Variants in PCBP3 observed in about 807,000 individuals in gnomAD.
PCBP3 encodes the protein poly(rC)-binding protein 3.
In PCBP3, 25 loss-of-function variants were observed where a neutral mutation model predicts 52.7. That is an observed-to-expected ratio of 0.47 (90% CI 0.35 to 0.66). The LOEUF (loss-of-function observed/expected upper bound fraction) is 0.66, where lower values mean the gene tolerates loss of function less well. Ranked by LOEUF, PCBP3 falls within the 30% of genes least tolerant of loss-of-function variation. PCBP3 has a pLI of 0.01. For synonymous variants in PCBP3, 162 were observed against 183.0 expected (o/e 0.89, Z 0.93); for missense variants, 391 against 490.3 (o/e 0.80, Z 1.91).
intron 7 of PCBP3, among the ~76,000 whole-genome samples, chr21:45,900,060 C>A (rs1249405802): frequency 1.3e-5 from 2 of 152,232 alleles, no homozygotes; most frequent in Non-Finnish European, 2.9e-5. Context: ...TGGAAGCCTG[C>A]TGCCCCGGGA....
intron 5 of PCBP3, among the ~76,000 whole-genome samples, chr21:45,883,366 T>A (rs1221395038): frequency 6.6e-6 from 1 of 152,222 alleles, no homozygotes. Flanking sequence ...TGGATTCTGC[T>A]GATGCTGGAC....
chr21:45,834,971 C>A (rs1448325662), intron 4 of PCBP3, among the ~76,000 whole-genome samples: 1 of 152,242 alleles, frequency 6.6e-6, no homozygotes, highest in Non-Finnish European at 1.5e-5. Flanking sequence ...GCGGTGTCCA[C>A]CCGTGCTCGG....
At chr21:45,702,832 G>A (rs1266915810) in intron 2 of PCBP3, among the ~76,000 whole-genome samples, 1 of 152,170 alleles carries the variant, frequency 6.6e-6, no homozygotes, top group African/African-American at 2.4e-5. Flanking sequence ...CTTTCACCAC[G>A]GTATAACTTC....
intron 5 of PCBP3, chr21:45,871,203 C>T (rs2148629468): frequency 6.0e-6 from 1 of 166,766 alleles, no homozygotes; most frequent in Non-Finnish European, 1.3e-5. Context: ...GAGACAGGCA[C>T]CCCCCAGGGA....
intron 4 of PCBP3, among the ~76,000 whole-genome samples, chr21:45,808,619 A>G (rs910955447): frequency 3.3e-5 from 5 of 152,176 alleles, no homozygotes; most frequent in African/African-American, 1.2e-4. Context: ...ACCATTGTGG[A>G]AGACAGTATG....
At chr21:45,794,377 C>T (rs1422420885) in intron 4 of PCBP3, among the ~76,000 whole-genome samples, 1 of 152,138 alleles carries the variant, frequency 6.6e-6, no homozygotes, top group Non-Finnish European at 1.5e-5. Flanking sequence ...GACCGTGCCT[C>T]TGCACTCCAG....
intron 5 of PCBP3, among the ~76,000 whole-genome samples, chr21:45,882,525 A>C (rs1169174781): frequency 6.6e-6 from 1 of 151,806 alleles, no homozygotes; most frequent in East Asian, 1.9e-4. Context: ...TTTCAGTTTG[A>C]TATAATCCCA....
intron 5 of PCBP3, among the ~76,000 whole-genome samples, chr21:45,855,329 G>T (rs1049145879): frequency 2.6e-5 from 4 of 152,172 alleles, no homozygotes; most frequent in Non-Finnish European, 5.9e-5. Flanking sequence ...CACGGAGAGG[G>T]CTGGGCATTC....
At chr21:45,707,799 A>G (rs1048518186) in intron 2 of PCBP3, among the ~76,000 whole-genome samples, 1 of 152,356 alleles carries the variant, frequency 6.6e-6, no homozygotes, top group African/African-American at 2.4e-5. Flanking sequence ...TGGGAGAGGC[A>G]GGGAGAGAGT....
At chr21:45,667,075 G>GTTCTTTCTTTCTTTCC (rs1555900590) in intron 1 of PCBP3, among the ~76,000 whole-genome samples, 8 of 147,550 alleles carry the variant, frequency 5.4e-5, no homozygotes, top group African/African-American at 2.0e-4. Flanking sequence ...GCATCTGTTT[G>GTTCTTTCTTTCTTTCC]TTCTTTCTTT....
intron 2 of PCBP3, among the ~76,000 whole-genome samples, chr21:45,710,148 TTTA>T (rs2083732871): frequency 6.6e-6 from 1 of 152,180 alleles, no homozygotes; most frequent in African/African-American, 2.4e-5. Flanking sequence ...ACTCTTCTTT[TTTA>T]TTATTATTAT....
intron 4 of PCBP3, among the ~76,000 whole-genome samples, chr21:45,815,160 GAGT>G (rs1328924711): frequency 2.6e-5 from 2 of 76,020 alleles, no homozygotes; most frequent in Non-Finnish European, 5.2e-5. Flanking sequence ...AGTGAGTGGT[GAGT>G]AGTGAGTGGT....
chr21:45,839,935 C>CCT (rs1327200283), intron 4 of PCBP3, among the ~76,000 whole-genome samples: 1 of 152,080 alleles, frequency 6.6e-6, no homozygotes, highest in Non-Finnish European at 1.5e-5. Context: ...GATCCACCTG[C>CCT]CTCGGCCTCC....
At chr21:45,664,750 A>C (rs1437411667) in intron 1 of PCBP3, among the ~76,000 whole-genome samples, 1 of 145,682 alleles carries the variant, frequency 6.9e-6, no homozygotes, top group South Asian at 2.3e-4. Flanking sequence ...ATATCTCCCA[A>C]TGCTATCCCT....
intron 3 of PCBP3, among the ~76,000 whole-genome samples, chr21:45,739,978 A>C (rs1239220169): frequency 6.6e-6 from 1 of 152,140 alleles, no homozygotes; most frequent in East Asian, 1.9e-4. Context: ...GCTTGGATCC[A>C]CCCTCACTTG....
rs542957325 is a variant in PCBP3 at position 45,844,908 on chromosome 21, G to A, written c.-125-5053G>A. Among the ~76,000 whole-genome samples the A allele has an allele frequency of 3.6e-4, 53 of 149,008 alleles. No individual in the cohort carries two copies. In the East Asian group the frequency reaches 0.01, roughly 28 times the overall value. On this transcript the variant is annotated intron_variant, in intron 4 of 17. Transcript: ENST00000681687. The stretch of plus-strand genomic sequence containing the variant: ...ATACGTATATAAAGTTTATATATAT[G>A]CTTTATTTATATATATAGTTTACAT...
chr21:45,940,335 T>A (rs2077323383), intron 17 of PCBP3, 136 bp downstream of exon 17: 2 of 723,080 alleles, frequency 2.8e-6, no homozygotes, highest in African/African-American at 3.5e-5. Context: ...TCCCCTCTGC[T>A]CCAGGCTGGA....
chr21:45,680,007 C>T (rs777944220), intron 2 of PCBP3, among the ~76,000 whole-genome samples: 17 of 152,240 alleles, frequency 1.1e-4, no homozygotes, highest in Non-Finnish European at 1.3e-4. Flanking sequence ...AAACTCATTT[C>T]TCCAAAATCA....
chr21:45,938,331 C>T (rs535319491), intron 16 of PCBP3, among the ~76,000 whole-genome samples: 22 of 152,314 alleles, frequency 1.4e-4, no homozygotes, highest in Non-Finnish European at 1.8e-4. Flanking sequence ...TGGGGCAGTG[C>T]GAAAGCCCAG....
Sources: gnomAD v4.1 joint callset for allele counts (sites outside exome capture counted in the v4.1 genomes callset) on GRCh38, gnomAD v4.1.1 for gene constraint, MANE v1.5 for transcripts, NCBI Gene and HGNC (gene_info 2026-07-23, HGNC 2026-07-21) for gene names.